Variants in MAP3K4 observed in about 807,000 individuals in gnomAD.
The protein encoded by MAP3K4 is mitogen-activated protein kinase kinase kinase 4.
A neutral mutation model predicts 185.6 loss-of-function variants in MAP3K4; 67 were observed. That is an observed-to-expected ratio of 0.36 (90% CI 0.30 to 0.44). The LOEUF (loss-of-function observed/expected upper bound fraction) is 0.44. MAP3K4 is among the 20% of genes least tolerant of loss of function. The pLI is 1.00. For synonymous variants in MAP3K4, 702 were observed against 710.4 expected (o/e 0.99, Z 0.19); for missense variants, 1,551 against 1,995.1 (o/e 0.78, Z 4.24).
chr6:161,083,860 C>T (rs968734723), intron 6 of MAP3K4, among the ~76,000 whole-genome samples: 8 of 152,178 alleles, frequency 5.3e-5, no homozygotes, highest in African/African-American at 9.7e-5. Flanking sequence ...TCTCCTCCTC[C>T]GACAAGCCTA....
chr6:160,991,866 G>A lies in MAP3K4; in HGVS notation c.-66G>A, dbSNP rs968578603. 7.2e-5 allele frequency: 103 copies of A among 1,424,512 alleles called. No individual in the cohort carries two copies. Among genetic ancestry groups the A allele is most frequent in the Middle Eastern group, 2.5e-4 (1 of 3,970 alleles). 88.2% of individuals were successfully genotyped at this position (1,424,512 alleles called of 1,614,324 possible). Reference sequence around the variant, plus strand: ...AGTCGAGTCACTCCCGCACTTCGGGGCTCCGGTGCCCCGCGCCAGGCTGCA... The same window carrying A: ...AGTCGAGTCACTCCCGCACTTCGGGACTCCGGTGCCCCGCGCCAGGCTGCA... On this transcript the variant is annotated 5_prime_UTR_variant, in exon 1 of 27. Transcript: ENST00000392142. The surrounding 1 kb of genome is among the most constrained non-coding windows in gnomAD (Gnocchi z 5.7).
intron 1 of MAP3K4, among the ~76,000 whole-genome samples, chr6:161,021,522 AAT>A (rs1782388974): frequency 6.6e-6 from 1 of 152,156 alleles, no homozygotes; most frequent in Non-Finnish European, 1.5e-5. Flanking sequence ...TGTCAGTTGA[AAT>A]GCTCCTTCTT....
Position 161,054,660 on chromosome 6 carries a change from T to A in MAP3K4, c.1707+4681T>A, listed in dbSNP as rs76123788. Among the ~76,000 whole-genome samples, 1,093 of 152,362 alleles carry A rather than the reference T, an allele frequency of 7.2e-3. 9 individuals carry two copies. The highest frequency in any genetic ancestry group is 0.042 in the South Asian group (202 of 4,828). ...TCCTCAGGACACATTTCTAGTTACA[T>A]AGGCAGTCTCTAATTGAAACAAATG... On this transcript the variant is annotated intron_variant, in intron 3 of 26. Transcript: ENST00000392142. The surrounding 1 kb of genome is among the most constrained non-coding windows in gnomAD (Gnocchi z 4.2).
rs1272515531 is a variant in MAP3K4, at chr6:161,037,501, C to T, written c.343+3052C>T. Among the ~76,000 whole-genome samples, 1 of 152,148 alleles carries T rather than the reference C, an allele frequency of 6.6e-6. No homozygotes were observed. The highest frequency in any genetic ancestry group is 1.5e-5 in the Non-Finnish European group (1 of 68,024). ...TGGCGCGATCTCAGCTCACTGCAAC[C>T]TCCGCCTCCTGGGTTCAAGCAATTC... is the stretch of plus-strand genomic sequence containing the variant. On this transcript the variant is annotated intron_variant, in intron 2 of 26. Coordinates refer to ENST00000392142, the MANE Select transcript of MAP3K4 (RefSeq NM_005922.4). The surrounding 1 kb of genome is among the most constrained non-coding windows in gnomAD (Gnocchi z 4.2).
In MAP3K4 at chr6:161,096,924, T is replaced by G. The variant is rs1331881500; in HGVS notation, c.3428-156T>G. The G allele has an allele frequency of 7.4e-6, 4 of 542,290 alleles. No individual in the cohort carries two copies. The highest frequency in any genetic ancestry group is 1.3e-5 in the Non-Finnish European group (4 of 301,352). The allele number at this position is 542,290 out of a possible 1,614,324, so 33.6% of individuals were successfully genotyped here. A position where few individuals can be genotyped will look rare whatever the true frequency, so the allele number is the denominator to read the frequency against. The stretch of plus-strand genomic sequence containing the variant: ...TTAAAAAGTGACATTTTCCATAATA[T>G]TTGTATATGTAATATTATTTTTTAC... On this transcript the variant is annotated intron_variant, in intron 15 of 26. Coordinates refer to ENST00000392142, the MANE Select transcript of MAP3K4 (RefSeq NM_005922.4). This position sits in a 1 kb window ranked among gnomAD's most constrained non-coding sequence, Gnocchi z 4.9.
In MAP3K4 at chr6:161,054,754, A is replaced by G. The variant is rs1385966513; in HGVS notation, c.1707+4775A>G. On this transcript the variant is annotated intron_variant, in intron 3 of 26. Coordinates refer to ENST00000392142, the MANE Select transcript of MAP3K4 (RefSeq NM_005922.4). This position sits in a 1 kb window ranked among gnomAD's most constrained non-coding sequence, Gnocchi z 4.2. The stretch of plus-strand genomic sequence containing the variant: ...CTTGAAAATACTTATCTATAGAAAC[A>G]GTGTTGTAAATAAGAGAGTCTCAGA... Among the ~76,000 whole-genome samples, 2 of 152,192 alleles carry G rather than the reference A, an allele frequency of 1.3e-5. No individual in the cohort carries two copies. Among genetic ancestry groups the G allele is most frequent in the African/African-American group, 2.4e-5 (1 of 41,438 alleles).
At chr6:161,014,868 C>T (rs1340513083) in intron 1 of MAP3K4, among the ~76,000 whole-genome samples, 3 of 152,146 alleles carry the variant, frequency 2.0e-5, no homozygotes, top group Non-Finnish European at 4.4e-5. Flanking sequence ...TTTTAATCAC[C>T]TTGAAAAGAA....
At chr6:161,050,821 A>C (rs1223974915) in intron 3 of MAP3K4, among the ~76,000 whole-genome samples, 2 of 152,200 alleles carry the variant, frequency 1.3e-5, no homozygotes, top group Non-Finnish European at 2.9e-5. Context: ...CAAATCTTTG[A>C]AATACCTTAT....
Position 161,093,022 on chromosome 6 carries a change from C to T in MAP3K4, c.3314C>T (p.Ala1105Val). 15 of 1,613,540 alleles carry T rather than the reference C, an allele frequency of 9.3e-6. No individual in the cohort carries two copies. The highest frequency in any genetic ancestry group is 1.2e-5 in the Non-Finnish European group (14 of 1,179,704). ...GFDFLQAIEP[A>V]FISALPEDDF... is the part of the protein sequence containing the mutation. ...GATTTTCTACAAGCAATTGAACCTGCCTTTATTTCAGCTTTACCAGAAGAT... is the reference window on the plus strand; with the variant it reads ...GATTTTCTACAAGCAATTGAACCTGTCTTTATTTCAGCTTTACCAGAAGAT... Residue 1105 changes from alanine to valine, a missense_variant, in exon 14 of 27, where the codon GCC becomes GTC. By Grantham distance (64) the Ala-to-Val change is moderately conservative (BLOSUM62 0). Coordinates refer to ENST00000392142, the MANE Select transcript of MAP3K4 (RefSeq NM_005922.4). This position sits in a 1 kb window ranked among gnomAD's most constrained non-coding sequence, Gnocchi z 5.2.
intron 2 of MAP3K4, among the ~76,000 whole-genome samples, chr6:161,046,381 ATAAG>A (rs1783729637): frequency 6.6e-6 from 1 of 152,240 alleles, no homozygotes; most frequent in African/African-American, 2.4e-5. Context: ...TTTTATATAA[ATAAG>A]AGTTGATAAG....
rs1028249084 is a variant in MAP3K4 at position 161,063,544 on chromosome 6, A to C, written c.1708-7064A>C. 2.0e-5 allele frequency among the ~76,000 whole-genome samples: 3 copies of C among 152,124 alleles called. No homozygotes were observed. Among genetic ancestry groups the C allele is most frequent in the African/African-American group, 7.2e-5 (3 of 41,406 alleles). On this transcript the variant is annotated intron_variant, in intron 3 of 26. Transcript: ENST00000392142. The surrounding 1 kb of genome is among the most constrained non-coding windows in gnomAD (Gnocchi z 5.4). ...AAACCATCTTCTCTGTTATTGTTTG[A>C]GGTCTGTGGACTGTTCTTCTTCCCA... is the stretch of plus-strand genomic sequence containing the variant.
At position 161,087,594 on chromosome 6, in the gene MAP3K4, C is replaced by T; in HGVS notation, c.2557-94C>T. The T allele has an allele frequency of 7.3e-7, 1 of 1,372,624 alleles. No homozygotes were observed. The highest frequency in any genetic ancestry group is 1.0e-6 in the Non-Finnish European group (1 of 982,144). The allele number at this position is 1,372,624 out of a possible 1,614,324, so 85.0% of individuals were successfully genotyped here. On this transcript the variant is annotated intron_variant, in intron 9 of 26. Transcript: ENST00000392142. The surrounding 1 kb of genome is among the most constrained non-coding windows in gnomAD (Gnocchi z 4.9). Reference sequence around the variant, plus strand: ...TTCATGCCCTTCCCACTTTCCCTTTCCCAAACCTGCCTCTCCTTTCCTAGG... The same window carrying T: ...TTCATGCCCTTCCCACTTTCCCTTTTCCAAACCTGCCTCTCCTTTCCTAGG...
At position 161,063,524 on chromosome 6, in the gene MAP3K4, A is replaced by G. The variant is rs1784571323; in HGVS notation, c.1708-7084A>G. ...GTACCTTCTTCTCAAGTTTCAAACC[A>G]TCTTCTCTGTTATTGTTTGAGGTCT... On this transcript the variant is annotated intron_variant, in intron 3 of 26. Coordinates refer to ENST00000392142, the MANE Select transcript of MAP3K4 (RefSeq NM_005922.4). The surrounding 1 kb of genome is among the most constrained non-coding windows in gnomAD (Gnocchi z 5.4). 6.6e-6 allele frequency among the ~76,000 whole-genome samples: 1 copy of G among 152,126 alleles called. No homozygotes were observed. The highest frequency in any genetic ancestry group is 1.5e-5 in the Non-Finnish European group (1 of 68,026).
chr6:161,117,180 C>T lies in MAP3K4; in HGVS notation c.*310C>T. 3.1e-6 allele frequency: 1 copy of T among 326,050 alleles called. No individual in the cohort carries two copies. The highest frequency in any genetic ancestry group is 4.7e-5 in the Admixed American group (1 of 21,234). The allele number at this position is 326,050 out of a possible 1,614,324, so 20.2% of individuals were successfully genotyped here. A position where few individuals can be genotyped will look rare whatever the true frequency, so the allele number is the denominator to read the frequency against. On this transcript the variant is annotated 3_prime_UTR_variant, in exon 27 of 27. Coordinates refer to ENST00000392142, the MANE Select transcript of MAP3K4 (RefSeq NM_005922.4). Reference sequence around the variant, plus strand: ...CCGTGACATCAGCGTAGTGTTTTGACCTTTCTAGGTTCAAAAGAAGTTGTA... The same window carrying T: ...CCGTGACATCAGCGTAGTGTTTTGATCTTTCTAGGTTCAAAAGAAGTTGTA...
rs1263217027 is a variant in MAP3K4 at position 161,033,772 on chromosome 6, A to G, written c.153-487A>G. ...GTGTGGATCATAGCAAAGTGCTCCT[A>G]TACATTCTGTTTTCTGTGTGTTTCA... On this transcript the variant is annotated intron_variant, in intron 1 of 26. Coordinates refer to ENST00000392142, the MANE Select transcript of MAP3K4 (RefSeq NM_005922.4). Among the ~76,000 whole-genome samples, 3 of 151,990 alleles carry G rather than the reference A, an allele frequency of 2.0e-5. No individual in the cohort carries two copies. In the East Asian group the frequency reaches 5.8e-4, roughly 29 times the overall value.
At position 161,108,072 on chromosome 6, in the gene MAP3K4, T is replaced by C. The variant is rs1015477480; in HGVS notation, c.4119+103T>C. 1 of 1,006,844 alleles carries C rather than the reference T, an allele frequency of 9.9e-7. No homozygotes were observed. The highest frequency in any genetic ancestry group is 1.5e-5 in the South Asian group (1 of 66,634). The allele number at this position is 1,006,844 out of a possible 1,614,324, so 62.4% of individuals were successfully genotyped here. A position where few individuals can be genotyped will look rare whatever the true frequency, so the allele number is the denominator to read the frequency against. On this transcript the variant is annotated intron_variant, in intron 21 of 26. Transcript: ENST00000392142. The surrounding 1 kb of genome is among the most constrained non-coding windows in gnomAD (Gnocchi z 5.7). ...ATTCAGTTCTCTGTGCGTAGAGCTG[T>C]CTTCAGCACCAGCACTGCGACAGTC... is the stretch of plus-strand genomic sequence containing the variant.
At position 161,084,468 on chromosome 6, in the gene MAP3K4, T is replaced by G. The variant is rs761052498; in HGVS notation, c.2256-33T>G. ...TAGGCTATGAGTAGGGACAGTTTTC[T>G]TCTCTGTTTTATTTTTATTTTTGTT... is the stretch of plus-strand genomic sequence containing the variant. On this transcript the variant is annotated intron_variant, in intron 6 of 26. Transcript: ENST00000392142. This position sits in a 1 kb window ranked among gnomAD's most constrained non-coding sequence, Gnocchi z 4.6. 1 of 1,031,986 alleles carries G rather than the reference T, an allele frequency of 9.7e-7. No individual in the cohort carries two copies. The allele number at this position is 1,031,986 out of a possible 1,614,324, so 63.9% of individuals were successfully genotyped here. A position where few individuals can be genotyped will look rare whatever the true frequency, so the allele number is the denominator to read the frequency against.
intron 3 of MAP3K4, among the ~76,000 whole-genome samples, chr6:161,065,932 C>G (rs559510415): frequency 2.2e-5 from 1 of 46,426 alleles, no homozygotes; most frequent in African/African-American, 6.9e-5. Context: ...AGCAAGACTC[C>G]GTCTCAAAAA....
At chr6:161,095,877 T>C (rs909993158) in intron 15 of MAP3K4, among the ~76,000 whole-genome samples, 1 of 152,246 alleles carries the variant, frequency 6.6e-6, no homozygotes, top group African/African-American at 2.4e-5. Flanking sequence ...ATTAAAATAA[T>C]TGTTTTGTTT....
Sources: allele counts gnomAD v4.1 joint callset (sites outside exome capture counted in the v4.1 genomes callset), GRCh38; gene constraint gnomAD v4.1.1; non-coding constraint Gnocchi (gnomAD v3.1); transcripts MANE v1.5; gene names NCBI Gene and HGNC (gene_info 2026-07-23, HGNC 2026-07-21).